AKR7A3: variants seen among roughly 807,000 people sequenced by gnomAD.
AKR7A3 encodes aldo-keto reductase family 7 member A3.
AKR7A3 carries 37 observed loss-of-function variants against 32.5 expected under a neutral mutation model. That is an observed-to-expected ratio of 1.14 (90% confidence interval 0.88 to 1.50). The LOEUF (loss-of-function observed/expected upper bound fraction) is 1.50, where lower values mean the gene tolerates loss of function less well. Among genes scored for constraint, AKR7A3 ranks in the 40% most tolerant of loss-of-function variants. AKR7A3 has a pLI of 0.00. For synonymous variants in AKR7A3, 177 were observed against 188.4 expected (o/e 0.94, Z 0.50); for missense variants, 412 against 453.2 (o/e 0.91, Z 0.83).
At chr1:19,284,258 C>T in intron 5 of AKR7A3, 133 bp from the exon 6 acceptor site, 1 of 1,303,538 alleles carries the variant, frequency 7.7e-7, no homozygotes, top group Non-Finnish European at 1.0e-6. Flanking sequence ...CCATGGGTCT[C>T]CCACTTTGCT....
downstream of AKR7A3, among the ~76,000 whole-genome samples, chr1:19,279,358 T>A (rs2093715650): frequency 6.6e-6 from 1 of 151,962 alleles, no homozygotes; most frequent in African/African-American, 2.4e-5. Context: ...TTTTACTTAT[T>A]GGCTATTATG....
intron 4 of AKR7A3, 35 bp downstream of exon 4, chr1:19,284,983 A>G: frequency 3.1e-6 from 5 of 1,611,648 alleles, no homozygotes; most frequent in Non-Finnish European, 4.2e-6. Context: ...TGGGTCGGGA[A>G]TAGGCTGAGA....
downstream of AKR7A3, among the ~76,000 whole-genome samples, chr1:19,281,187 G>A (rs780640019): frequency 5.3e-5 from 8 of 151,548 alleles, no homozygotes; most frequent in Admixed American, 2.6e-4. Context: ...GATTACAGGC[G>A]CCTACCACCA....
In AKR7A3 at chr1:19,288,633, G is replaced by A; in HGVS notation, c.77C>T (p.Pro26Leu). 6.4e-7 allele frequency: 1 copy of A among 1,552,816 alleles called. No individual in the cohort carries two copies. The highest frequency in any genetic ancestry group is 8.7e-7 in the Non-Finnish European group (1 of 1,148,844). The stretch of plus-strand genomic sequence containing the variant: ...GGCGCGCGTGACTGCGGCGCTGGTG[G>A]GCGCGTCCATGCGGCGCCCCATCTC... The part of the protein sequence containing the change: ...AMEMGRRMDA[P>L]TSAAVTRAFL... Residue 26 changes from proline to leucine, a missense_variant, in exon 1 of 7, where the codon CCC (proline) becomes CTC (leucine). By Grantham distance (98) the Pro-to-Leu change is moderately conservative. Coordinates refer to ENST00000361640, the MANE Select transcript of AKR7A3 (RefSeq NM_012067.3).
intron 3 of AKR7A3, 152 bp from the exon 4 acceptor site, chr1:19,285,266 A>G (rs76725077): frequency 0.034 from 25,719 of 749,210 alleles, 575 homozygotes; most frequent in South Asian, 0.055. Context: ...TGGTGAAAGA[A>G]GCTTATGCCC....
chr1:19,282,781 T>C lies in AKR7A3; in HGVS notation c.946A>G (p.Asn316Asp). 1 of 1,613,622 alleles carries C rather than the reference T, an allele frequency of 6.2e-7. No homozygotes were observed. The highest frequency in any genetic ancestry group is 1.6e-4 in the Middle Eastern group (1 of 6,062). ...PLEPAVVDAFNQAWHLVTHEC... is the reference protein window; with the variant it reads ...PLEPAVVDAFDQAWHLVTHEC... ...TGAGTAACCAAATGCCAGGCTTGAT[T>C]AAAGGCGTCCACGACAGCCGGCTCC... The change falls in exon 7 of 7, where the codon AAT (asparagine) becomes GAT (aspartate). Residue 316 changes from asparagine to aspartate, a missense_variant. Asn to Asp is a conservative substitution (Grantham distance 23). Transcript: ENST00000361640.
chr1:19,281,207 A>G (rs75162267), downstream of AKR7A3, among the ~76,000 whole-genome samples: 4,681 of 151,694 alleles, frequency 0.031, 346 homozygotes, highest in African/African-American at 0.11. Flanking sequence ...ACGCCCGGCT[A>G]TGTAGTTTTG....
At position 19,282,892 on chromosome 1, in the gene AKR7A3, C is replaced by T. The variant is rs149120004; in HGVS notation, c.835G>A (p.Gly279Ser). The stretch of plus-strand genomic sequence containing the variant: ...AGGATGACCGCGTCCCCGTGGGCAC[C>T]CTGCAAGGGAGACGGCCAGACTTCA... ...RWMYHHSQLQ[G>S]AHGDAVILGM... The change falls in exon 7 of 7, where the codon GGT becomes AGT. Residue 279 changes from glycine to serine, a missense_variant and splice_region_variant. Coordinates refer to ENST00000361640, the MANE Select transcript of AKR7A3 (RefSeq NM_012067.3). The T allele has an allele frequency of 8.0e-4, 1,291 of 1,611,008 alleles. 28 individuals are homozygous for T. In the African/African-American group the frequency reaches 0.014, roughly 18 times the overall value.
chr1:19,284,753 C>T lies in AKR7A3; in HGVS notation c.637G>A (p.Asp213Asn). The T allele has an allele frequency of 6.2e-7, 1 of 1,613,848 alleles. No individual in the cohort carries two copies. The highest frequency in any genetic ancestry group is 8.5e-7 in the Non-Finnish European group (1 of 1,179,988). Residue 213 changes from aspartate to asparagine, a missense_variant, in exon 5 of 7, where the codon GAC (aspartate) becomes AAC (asparagine). Transcript: ENST00000361640. ...GLLTGKYKYE[D>N]KNGKQPVGRF... ...CCCACGGGCTGTTTCCCATTCTTGT[C>T]CTCATACTTGTACTTGCCGGTCAGC... is the stretch of plus-strand genomic sequence containing the variant.
At chr1:19,283,502 T>C (rs1200512748) in intron 6 of AKR7A3, among the ~76,000 whole-genome samples, 4 of 151,956 alleles carry the variant, frequency 2.6e-5, no homozygotes, top group Non-Finnish European at 5.9e-5. Flanking sequence ...AATGAAGCTC[T>C]CATTACAAAG....
intron 5 of AKR7A3, 123 bp downstream of exon 5, chr1:19,284,563 G>T: frequency 2.7e-6 from 3 of 1,099,030 alleles, no homozygotes; most frequent in Admixed American, 2.1e-5. Flanking sequence ...GGAAATTCCC[G>T]AAGAAATTCA....
chr1:19,285,957 T>G lies in AKR7A3; in HGVS notation c.438A>C (p.Ala146=), dbSNP rs139064823. The G allele has an allele frequency of 3.7e-4, 596 of 1,612,796 alleles. 4 individuals carry two copies. The highest frequency in any genetic ancestry group is 1.8e-3 in the Middle Eastern group (11 of 6,052). ...KFVELGLSNY[A]AWEVAEICTL... ...TACAGATCTCGGCCACTTCCCAGGC[T>G]GCATAGTTGGAGAGGCCAAGCTCCA... The change falls in exon 3 of 7, where the codon GCA becomes GCC. Residue 146 remains alanine, a synonymous_variant. Transcript: ENST00000361640.
chr1:19,281,622 G>A (rs181869169), downstream of AKR7A3, among the ~76,000 whole-genome samples: 108 of 151,878 alleles, frequency 7.1e-4, no homozygotes, highest in Middle Eastern at 6.8e-3. Context: ...GAGGCAGAGC[G>A]AGACTCTATA....
intron 5 of AKR7A3, 71 bp downstream of exon 5, chr1:19,284,615 G>A: frequency 2.0e-6 from 3 of 1,501,662 alleles, no homozygotes; most frequent in Non-Finnish European, 2.8e-6. Flanking sequence ...TACCCCAGGA[G>A]CAGCCCAGGA....
downstream of AKR7A3, among the ~76,000 whole-genome samples, chr1:19,281,503 C>T (rs2093718790): frequency 6.6e-6 from 1 of 151,636 alleles, no homozygotes; most frequent in African/African-American, 2.4e-5. Flanking sequence ...AGGTGGGTGG[C>T]TCACACCTGT....
chr1:19,279,258 T>G (rs1299508543), downstream of AKR7A3, among the ~76,000 whole-genome samples: 2 of 152,006 alleles, frequency 1.3e-5, no homozygotes, highest in Non-Finnish European at 2.9e-5. Context: ...TACTTTTTTA[T>G]TATTTTTTTT....
chr1:19,284,850 G>C (rs2151981642), intron 4 of AKR7A3, 65 bp from the exon 5 acceptor site: 1 of 1,583,536 alleles, frequency 6.3e-7, no homozygotes, highest in East Asian at 2.2e-5. Context: ...ATCCCTCAGG[G>C]CTCTGGTCTA....
At chr1:19,280,714 G>A (rs931581361), downstream of AKR7A3, among the ~76,000 whole-genome samples, 1 of 151,502 alleles carries the variant, frequency 6.6e-6, no homozygotes, top group Admixed American at 6.6e-5. Context: ...GGGACTACAG[G>A]CACCCGCCAC....
At chr1:19,274,428 C>A in the AKR7A3 span, among the ~76,000 whole-genome samples, 1 of 151,890 alleles carries the variant, frequency 6.6e-6, no homozygotes, top group Non-Finnish European at 1.5e-5. Flanking sequence ...CGTCCCCCAT[C>A]CCTCGGCCTC....
Sources: gnomAD v4.1 joint callset for allele counts (sites outside exome capture counted in the v4.1 genomes callset) on GRCh38, gnomAD v4.1.1 for gene constraint, MANE v1.5 for transcripts, NCBI Gene and HGNC (gene_info 2026-07-23, HGNC 2026-07-21) for gene names.